Variants in FAM133A observed in about 807,000 individuals in gnomAD.
FAM133A encodes protein FAM133A.
For synonymous variants in FAM133A, 65 were observed against 58.6 expected, an observed-to-expected ratio of 1.11 and a Z score of -0.50; for missense variants, 159 against 164.4, an observed-to-expected ratio of 0.97 and a Z score of 0.18.
At chrX:93,706,120 T>G (rs770504108) in intron 3 of FAM133A, among the ~76,000 whole-genome samples, 1 of 112,480 alleles carries the variant, frequency 8.9e-6, no homozygotes, top group East Asian at 2.8e-4. Context: ...AGATCTGAAC[T>G]TGACTGATCT....
chrX:93,694,475 G>C (rs1273360529), intron 2 of FAM133A, among the ~76,000 whole-genome samples: 1 of 111,574 alleles, frequency 9.0e-6, no homozygotes, highest in Admixed American at 9.5e-5. Flanking sequence ...ATTAACCCAA[G>C]AGATGACTGG....
intron 3 of FAM133A, among the ~76,000 whole-genome samples, chrX:93,703,035 A>G (rs769581041): frequency 9.1e-6 from 1 of 109,350 alleles, no homozygotes; most frequent in Non-Finnish European, 1.9e-5. Context: ...GAAAAAATAC[A>G]AAAATTAGCC....
chrX:93,683,807 T>C (rs1925329750), intron 2 of FAM133A, among the ~76,000 whole-genome samples: 1 of 112,203 alleles, frequency 8.9e-6, no homozygotes, highest in East Asian at 2.8e-4. Flanking sequence ...GCCGTTTGCA[T>C]GTCTTCTTTT....
rs760854579 is a variant in FAM133A at position 93,709,526 on chromosome X, G to A, written c.107G>A (p.Arg36Gln). 2.5e-6 allele frequency: 3 copies of A among 1,205,958 alleles called. No homozygotes were observed. The highest frequency in any genetic ancestry group is 3.5e-5 in the African/African-American group (2 of 56,644). Residue 36 changes from arginine to glutamine, a missense_variant, in exon 4 of 4, where the codon CGA (arginine) becomes CAA (glutamine). By Grantham distance (43) the Arg-to-Gln change is conservative (BLOSUM62 1). Coordinates refer to ENST00000683942, the MANE Select transcript of FAM133A (RefSeq NM_001171109.2). Reference sequence around the variant, plus strand: ...CCAACAATCCAAGATTATCTAAATCGACCAAGACCCACCTGGGAAGAAGTA... The same window carrying A: ...CCAACAATCCAAGATTATCTAAATCAACCAAGACCCACCTGGGAAGAAGTA... Reference protein sequence around the residue: ...VGPTIQDYLNRPRPTWEEVKK... With the variant: ...VGPTIQDYLNQPRPTWEEVKK...
chrX:93,688,102 T>C (rs1184444257), intron 2 of FAM133A, among the ~76,000 whole-genome samples: 2 of 110,960 alleles, frequency 1.8e-5, no homozygotes, highest in African/African-American at 6.5e-5. Context: ...ATTGCTTCAA[T>C]AAACATGGGA....
intron 2 of FAM133A, among the ~76,000 whole-genome samples, chrX:93,697,580 A>T (rs1432242603): frequency 8.9e-6 from 1 of 112,109 alleles, no homozygotes; most frequent in African/African-American, 3.2e-5. Flanking sequence ...CATATTTTTT[A>T]AAATCTCCTT....
intron 3 of FAM133A, among the ~76,000 whole-genome samples, chrX:93,704,419 G>GT (rs906530180): frequency 8.2e-5 from 9 of 110,208 alleles, no homozygotes; most frequent in African/African-American, 2.0e-4. Flanking sequence ...GAACATTAAG[G>GT]TTTTTTTTTA....
At chrX:93,702,193 G>A (rs1350542818) in intron 3 of FAM133A, among the ~76,000 whole-genome samples, 1 of 111,662 alleles carries the variant, frequency 9.0e-6, no homozygotes, top group Non-Finnish European at 1.9e-5. Context: ...AGCACACCCA[G>A]TGCCAAGGTC....
intron 2 of FAM133A, among the ~76,000 whole-genome samples, chrX:93,695,798 C>T (rs757447632): frequency 9.2e-6 from 1 of 108,365 alleles, no homozygotes; most frequent in South Asian, 4.1e-4. Flanking sequence ...CCCGCCACCA[C>T]GCCTGGCTAA....
rs1421282363 is a variant in FAM133A, at chrX:93,712,243, G to T, written c.*2077G>T. 8.1e-6 allele frequency: 1 copy of T among 123,435 alleles called. No homozygotes were observed. The highest frequency in any genetic ancestry group is 2.8e-4 in the East Asian group (1 of 3,557). 10.2% of individuals were successfully genotyped at this position (123,435 alleles called of 1,213,427 possible). The stretch of plus-strand genomic sequence containing the variant: ...CTTGCAGTAAACTTTTTAAGTGTAA[G>T]AAATAAACTGTTATGTGTTAAACCA... On this transcript the variant is annotated 3_prime_UTR_variant, in exon 4 of 4. Coordinates refer to ENST00000683942, the MANE Select transcript of FAM133A (RefSeq NM_001171109.2).
intron 2 of FAM133A, among the ~76,000 whole-genome samples, chrX:93,690,739 A>G (rs1299670625): frequency 9.0e-6 from 1 of 111,706 alleles, no homozygotes; most frequent in Non-Finnish European, 1.9e-5. Context: ...ATATATTTCT[A>G]GGAGTAGAAT....
chrX:93,693,146 GC>G (rs1926001754), intron 2 of FAM133A, among the ~76,000 whole-genome samples: 1 of 111,541 alleles, frequency 9.0e-6, no homozygotes, highest in South Asian at 3.8e-4. Flanking sequence ...GTTTGGAGAA[GC>G]AAGTGGAAGC....
chrX:93,702,611 T>C (rs1926772364), intron 3 of FAM133A, among the ~76,000 whole-genome samples: 1 of 109,618 alleles, frequency 9.1e-6, no homozygotes, highest in Admixed American at 9.8e-5. Flanking sequence ...GTTCTTTAAG[T>C]GTGGGCTGCA....
At chrX:93,683,298 A>G (rs1205003165) in intron 2 of FAM133A, among the ~76,000 whole-genome samples, 1 of 111,854 alleles carries the variant, frequency 8.9e-6, no homozygotes, top group Non-Finnish European at 1.9e-5. Context: ...TTTACATATA[A>G]TGAGCATTTA....
chrX:93,693,871 T>G (rs765953452), intron 2 of FAM133A, among the ~76,000 whole-genome samples: 1 of 112,060 alleles, frequency 8.9e-6, no homozygotes, highest in Non-Finnish European at 1.9e-5. Flanking sequence ...TTTTGAAGTA[T>G]TTCCACAGTG....
intron 3 of FAM133A, among the ~76,000 whole-genome samples, chrX:93,700,387 TA>T (rs200629271): frequency 0.077 from 8,533 of 111,207 alleles, 334 homozygotes; most frequent in South Asian, 0.17. Context: ...AGGATCTCAA[TA>T]AAAATTTGTT....
At chrX:93,705,319 CA>C (rs1926969935) in intron 3 of FAM133A, among the ~76,000 whole-genome samples, 1 of 111,627 alleles carries the variant, frequency 9.0e-6, no homozygotes. Context: ...TACAGAAAAT[CA>C]AGTTACTCTT....
intron 2 of FAM133A, among the ~76,000 whole-genome samples, chrX:93,682,510 T>C (rs1170199823): frequency 8.9e-6 from 1 of 112,504 alleles, no homozygotes; most frequent in East Asian, 2.8e-4. Context: ...TATTTTCTTA[T>C]TTATAATCCT....
At chrX:93,690,604 A>T (rs2147615378) in intron 2 of FAM133A, among the ~76,000 whole-genome samples, 1 of 111,887 alleles carries the variant, frequency 8.9e-6, no homozygotes, top group South Asian at 3.6e-4. Flanking sequence ...ATCACATTTT[A>T]TTCATCCATT....
Sources: gnomAD v4.1 joint callset for allele counts (sites outside exome capture counted in the v4.1 genomes callset) on GRCh38, gnomAD v4.1.1 for gene constraint, MANE v1.5 for transcripts, NCBI Gene and HGNC (gene_info 2026-07-23, HGNC 2026-07-21) for gene names.